The following SLIT1 variants were observed in gnomAD, a reference collection of about 807,000 sequenced individuals.
SLIT1 encodes the protein slit homolog 1 protein.
In SLIT1, 66 loss-of-function variants were observed where a neutral mutation model predicts 186.1. The observed-to-expected ratio is 0.35, with a 90% CI of 0.29 to 0.44. The LOEUF (loss-of-function observed/expected upper bound fraction) is 0.44, where lower values mean the gene tolerates loss of function less well. SLIT1 is among the 20% of genes least tolerant of loss of function. SLIT1 has a pLI of 1.00. For missense variants in SLIT1, 1,638 were observed against 2,037.4 expected, an observed-to-expected ratio of 0.80 and a Z score of 3.77; for synonymous variants, 761 against 833.8, an observed-to-expected ratio of 0.91 and a Z score of 1.50.
In SLIT1 at chr10:97,003,491, G is replaced by A. The variant is rs538049944; in HGVS notation, c.3866-499C>T. On this transcript the variant is annotated intron_variant, in intron 34 of 36. Coordinates refer to ENST00000266058, the MANE Select transcript of SLIT1 (RefSeq NM_003061.3). ...TGAAGCTGCACAAGGAGTAAGCTGC[G>A]GAGCTGGGCTGAGGCCCAGGGCCAT... is the stretch of plus-strand genomic sequence containing the variant. Among the ~76,000 whole-genome samples, 16 of 152,196 alleles carry A rather than the reference G, an allele frequency of 1.1e-4. No homozygotes were observed. In the East Asian group the frequency reaches 2.3e-3, roughly 22 times the overall value.
chr10:97,158,698 T>C (rs942650398), intron 3 of SLIT1, among the ~76,000 whole-genome samples: 3 of 148,726 alleles, frequency 2.0e-5, no homozygotes, highest in Admixed American at 6.7e-5. Flanking sequence ...AATAGTTTTA[T>C]TGATTATTTT....
chr10:97,105,216 T>C (rs1175664043), intron 4 of SLIT1, among the ~76,000 whole-genome samples: 1 of 152,154 alleles, frequency 6.6e-6, no homozygotes, highest in Non-Finnish European at 1.5e-5. Flanking sequence ...AAAATAAATC[T>C]GATGACCACT....
chr10:97,026,459 C>T lies in SLIT1; in HGVS notation c.2582+4298G>A, dbSNP rs527881106. Among the ~76,000 whole-genome samples, 54 of 137,006 alleles carry T rather than the reference C, an allele frequency of 3.9e-4. 1 individual carries two copies. The East Asian group carries it at 5.6e-3, about 14-fold the overall frequency. 89.9% of individuals were successfully genotyped at this position (137,006 alleles called of 152,430 possible). ...AGCCTGGGCGATAAGAGCGAAACTC[C>T]GTCTCTAAATAAATAAATAAATAAA... On this transcript the variant is annotated intron_variant, in intron 25 of 36. Coordinates refer to ENST00000266058, the MANE Select transcript of SLIT1 (RefSeq NM_003061.3).
At chr10:97,157,065 A>T (rs1353561323) in intron 4 of SLIT1, among the ~76,000 whole-genome samples, 4 of 152,144 alleles carry the variant, frequency 2.6e-5, no homozygotes, top group African/African-American at 9.7e-5. Context: ...AAAGTTAAAA[A>T]TTTTCTAATT....
At chr10:97,106,642 T>G (rs1252705945) in intron 4 of SLIT1, among the ~76,000 whole-genome samples, 1 of 69,422 alleles carries the variant, frequency 1.4e-5, no homozygotes, top group Non-Finnish European at 2.7e-5. Context: ...ATTAAAGTTG[T>G]TTTTTTTTTT....
At chr10:97,042,806 G>T (rs1848701204) in intron 20 of SLIT1, 95 bp downstream of exon 20, 5 of 1,353,388 alleles carry the variant, frequency 3.7e-6, no homozygotes, top group Non-Finnish European at 5.1e-6. Flanking sequence ...ATGCCAGGGG[G>T]TGCTGCCTGT....
intron 4 of SLIT1, among the ~76,000 whole-genome samples, chr10:97,113,921 C>T (rs1449521217): frequency 6.6e-6 from 1 of 152,132 alleles, no homozygotes; most frequent in Non-Finnish European, 1.5e-5. Context: ...GACATGCCCA[C>T]GGTCACATGG....
At chr10:97,076,497 G>A (rs1175177653) in intron 4 of SLIT1, among the ~76,000 whole-genome samples, 1 of 152,144 alleles carries the variant, frequency 6.6e-6, no homozygotes, top group Non-Finnish European at 1.5e-5. Context: ...CACGTAGAAG[G>A]GGAATTAATT....
chr10:97,015,915 G>T (rs1410808789), intron 28 of SLIT1, among the ~76,000 whole-genome samples: 1 of 152,118 alleles, frequency 6.6e-6, no homozygotes, highest in Non-Finnish European at 1.5e-5. Context: ...AAAAAAGACA[G>T]GAGGGTAAGG....
chr10:97,107,777 G>A (rs1849428296), intron 4 of SLIT1, among the ~76,000 whole-genome samples: 1 of 152,026 alleles, frequency 6.6e-6, no homozygotes, highest in South Asian at 2.1e-4. Flanking sequence ...TGGAAGACAG[G>A]GAACCAACCC....
intron 4 of SLIT1, among the ~76,000 whole-genome samples, chr10:97,120,679 T>C (rs1036507050): frequency 1.3e-5 from 2 of 152,170 alleles, no homozygotes; most frequent in African/African-American, 4.8e-5. Context: ...CCTAGGATGT[T>C]GATGATGCTA....
At chr10:97,064,908 G>C (rs201556060) in intron 5 of SLIT1, 32 bp from the exon 6 acceptor site, 28 of 1,579,330 alleles carry the variant, frequency 1.8e-5, no homozygotes, top group South Asian at 6.7e-5. Context: ...TAGAGAGAAG[G>C]GCACATTGCC....
chr10:97,121,843 A>G (rs1459724847), intron 4 of SLIT1, among the ~76,000 whole-genome samples: 5 of 152,232 alleles, frequency 3.3e-5, no homozygotes, highest in Admixed American at 3.3e-4. Context: ...GACAGGATGG[A>G]CACATATGGC....
At chr10:97,080,161 G>A (rs1421355503) in intron 4 of SLIT1, among the ~76,000 whole-genome samples, 5 of 152,130 alleles carry the variant, frequency 3.3e-5, no homozygotes, top group South Asian at 2.1e-4. Context: ...GGGGGACTTC[G>A]GGGAATGGTA....
intron 22 of SLIT1, among the ~76,000 whole-genome samples, chr10:97,037,143 G>A (rs997212643): frequency 6.6e-6 from 1 of 150,670 alleles, no homozygotes; most frequent in Non-Finnish European, 1.5e-5. Flanking sequence ...TGCCCAGGCT[G>A]GAGTGCAATG....
intron 1 of SLIT1, among the ~76,000 whole-genome samples, chr10:97,165,856 C>T (rs542602779): frequency 6.6e-6 from 1 of 152,108 alleles, no homozygotes; most frequent in South Asian, 2.1e-4. Flanking sequence ...CTTCCAAGGC[C>T]ACCTTGGACC....
At chr10:97,154,345 C>G (rs1437589018) in intron 4 of SLIT1, 1 of 152,234 alleles carries the variant, frequency 6.6e-6, no homozygotes, top group Non-Finnish European at 1.5e-5. Flanking sequence ...TCAGTGCAAA[C>G]TAAGCAGGGC....
At chr10:97,036,537 A>C (rs538993279) in intron 22 of SLIT1, among the ~76,000 whole-genome samples, 2 of 152,378 alleles carry the variant, frequency 1.3e-5, no homozygotes, top group South Asian at 4.1e-4. Context: ...CACCACACCT[A>C]GCTTAGTTTA....
intron 4 of SLIT1, among the ~76,000 whole-genome samples, chr10:97,130,988 C>T (rs568354842): frequency 1.4e-3 from 213 of 152,256 alleles, no homozygotes; most frequent in Non-Finnish European, 2.5e-3. Context: ...ACCTCGGCCA[C>T]ATGGACATTC....
Sources: gnomAD v4.1 joint callset for allele counts (sites outside exome capture counted in the v4.1 genomes callset) on GRCh38, gnomAD v4.1.1 for gene constraint, MANE v1.5 for transcripts, NCBI Gene and HGNC (gene_info 2026-07-23, HGNC 2026-07-21) for gene names.